DSCAM: variants seen among roughly 807,000 people sequenced by gnomAD.
DSCAM encodes DS cell adhesion molecule.
Under a neutral mutation model 217.7 loss-of-function variants are expected in DSCAM, and 47 were observed. The ratio of observed to expected loss-of-function variants is 0.22; its 90% CI spans 0.17 to 0.28. DSCAM has a LOEUF of 0.28. Ranked by LOEUF, DSCAM falls within the 10% of genes least tolerant of loss-of-function variation. The pLI, the probability that DSCAM is intolerant of heterozygous loss-of-function variation, is 1.00. For synonymous variants in DSCAM, 1,056 were observed against 1,015.3 expected (o/e 1.04, Z -0.76); for missense variants, 2,080 against 2,618.3 (o/e 0.79, Z 4.49).
intron 3 of DSCAM, among the ~76,000 whole-genome samples, chr21:40,532,895 TGTGTGTGTGTGTGTGCACAC>T (rs2076459891): frequency 2.2e-5 from 3 of 133,612 alleles, no homozygotes; most frequent in African/African-American, 9.0e-5. Context: ...TGTGTGTGTG[TGTGTGTGTGTGTGTGCACAC>T]GCACGCGCAT....
intron 20 of DSCAM, among the ~76,000 whole-genome samples, chr21:40,118,352 G>A (rs182681270): frequency 4.5e-4 from 68 of 152,240 alleles, no homozygotes; most frequent in African/African-American, 1.5e-3. Context: ...TTGGGAGGCC[G>A]AGGCAGGCCG....
intron 3 of DSCAM, among the ~76,000 whole-genome samples, chr21:40,515,652 G>A (rs1020475071): frequency 1.3e-5 from 2 of 152,122 alleles, no homozygotes; most frequent in Non-Finnish European, 2.9e-5. Context: ...AGTCTTTTCT[G>A]ACTCCTCACT....
intron 3 of DSCAM, among the ~76,000 whole-genome samples, chr21:40,425,453 T>C (rs1048337463): frequency 1.3e-5 from 2 of 151,998 alleles, no homozygotes; most frequent in African/African-American, 4.8e-5. Flanking sequence ...TGTATACATA[T>C]GTAACAAACC....
chr21:40,634,384 T>A (rs1007391404), intron 3 of DSCAM, among the ~76,000 whole-genome samples: 2 of 152,210 alleles, frequency 1.3e-5, no homozygotes, highest in Non-Finnish European at 2.9e-5. Context: ...GTTTCCCCAC[T>A]CAGCTCTTCA....
chr21:40,139,033 G>A (rs1169518812), intron 18 of DSCAM, among the ~76,000 whole-genome samples: 1 of 148,538 alleles, frequency 6.7e-6, no homozygotes, highest in Non-Finnish European at 1.5e-5. Flanking sequence ...TAGTGTGTGT[G>A]TAGTGTGTGT....
intron 1 of DSCAM, among the ~76,000 whole-genome samples, chr21:40,784,086 A>T (rs1010310488): frequency 6.7e-6 from 1 of 149,786 alleles, no homozygotes; most frequent in Non-Finnish European, 1.5e-5. Context: ...ATATTTTTAT[A>T]TATTTATAAC....
intron 10 of DSCAM, among the ~76,000 whole-genome samples, chr21:40,283,882 A>T (rs1307233018): frequency 6.6e-6 from 1 of 152,176 alleles, no homozygotes; most frequent in East Asian, 1.9e-4. Flanking sequence ...GTGAAATAAG[A>T]CTGAAGAGTC....
chr21:40,563,714 AT>A (rs2076741836), intron 3 of DSCAM, among the ~76,000 whole-genome samples: 3 of 140,774 alleles, frequency 2.1e-5, no homozygotes, highest in African/African-American at 2.7e-5. Context: ...GTATATAGTT[AT>A]GTTTATATAT....
chr21:40,556,428 A>G (rs1356541631), intron 3 of DSCAM, among the ~76,000 whole-genome samples: 1 of 152,240 alleles, frequency 6.6e-6, no homozygotes, highest in East Asian at 1.9e-4. Flanking sequence ...AATTGTAAGG[A>G]AGAGAAAATA....
chr21:40,304,605 T>C (rs1466669679), intron 9 of DSCAM, among the ~76,000 whole-genome samples: 1 of 152,170 alleles, frequency 6.6e-6, no homozygotes, highest in African/African-American at 2.4e-5. Flanking sequence ...ATTTCTAGCT[T>C]TTGATTTAAA....
At chr21:40,778,341 A>G (rs958777601) in intron 1 of DSCAM, among the ~76,000 whole-genome samples, 7 of 152,180 alleles carry the variant, frequency 4.6e-5, no homozygotes, top group Non-Finnish European at 1.0e-4. Context: ...GGAGCATGTA[A>G]GTTTTGTTTG....
chr21:40,461,764 G>A (rs79461942), intron 3 of DSCAM, among the ~76,000 whole-genome samples: 11,206 of 152,196 alleles, frequency 0.074, 817 homozygotes, highest in African/African-American at 0.18. Flanking sequence ...CATCAGAGCC[G>A]GCGATGCAAT....
chr21:40,099,943 G>A (rs967918382), intron 20 of DSCAM, among the ~76,000 whole-genome samples: 5 of 152,200 alleles, frequency 3.3e-5, no homozygotes, highest in Admixed American at 6.5e-5. Context: ...ACCTGAGAAG[G>A]CTAATGGCGA....
intron 11 of DSCAM, among the ~76,000 whole-genome samples, chr21:40,274,919 A>C (rs1197746677): frequency 6.6e-6 from 1 of 152,200 alleles, no homozygotes; most frequent in Admixed American, 6.5e-5. Flanking sequence ...AATATCATAC[A>C]CACACAAATA....
intron 3 of DSCAM, among the ~76,000 whole-genome samples, chr21:40,461,425 G>C (rs2075805140): frequency 6.6e-6 from 1 of 152,126 alleles, no homozygotes; most frequent in Admixed American, 6.5e-5. Context: ...CAAATACTGT[G>C]AGGTAGATAC....
At chr21:40,403,300 CTTT>C (rs200979884) in intron 3 of DSCAM, among the ~76,000 whole-genome samples, 5 of 141,612 alleles carry the variant, frequency 3.5e-5, no homozygotes, top group Admixed American at 7.1e-5. Flanking sequence ...ATTAGTAAAT[CTTT>C]TTTTTTTTTT....
intron 8 of DSCAM, among the ~76,000 whole-genome samples, chr21:40,318,489 C>T (rs1844777144): frequency 6.6e-6 from 1 of 152,156 alleles, no homozygotes; most frequent in Admixed American, 6.5e-5. Flanking sequence ...CCAACTCTCC[C>T]CTCTGCTGGC....
chr21:40,628,642 T>C (rs1260787344), intron 3 of DSCAM, among the ~76,000 whole-genome samples: 1 of 152,222 alleles, frequency 6.6e-6, no homozygotes, highest in African/African-American at 2.4e-5. Context: ...TTGTTGACTC[T>C]TGAGTTAATA....
chr21:40,838,815 C>T (rs1170429812), intron 1 of DSCAM, among the ~76,000 whole-genome samples: 1 of 152,128 alleles, frequency 6.6e-6, no homozygotes, highest in Non-Finnish European at 1.5e-5. Context: ...AAGGCAAACA[C>T]TTTCCACAGC....
Sources: gnomAD v4.1 joint callset for allele counts (sites outside exome capture counted in the v4.1 genomes callset) on GRCh38, gnomAD v4.1.1 for gene constraint, MANE v1.5 for transcripts, NCBI Gene and HGNC (gene_info 2026-07-23, HGNC 2026-07-21) for gene names.